GALNT17: variants seen among roughly 807,000 people sequenced by gnomAD.
GALNT17 encodes the protein UDP-GalNAc:polypeptide N-acetylgalactosaminyltransferase-like 3.
A neutral mutation model predicts 63.7 loss-of-function variants in GALNT17; 29 were observed. The ratio of observed to expected loss-of-function variants is 0.46; its 90% CI spans 0.34 to 0.62. GALNT17 has a LOEUF of 0.62. Among genes scored for constraint, GALNT17 ranks in the 20% least tolerant of loss-of-function variants. GALNT17 has a pLI of 0.01. For missense variants in GALNT17, 603 were observed against 799.6 expected (o/e 0.75, Z 2.97); for synonymous variants, 305 against 318.3 (o/e 0.96, Z 0.45).
chr7:71,660,360 A>G (rs1323603361), intron 6 of GALNT17, among the ~76,000 whole-genome samples: 2 of 151,842 alleles, frequency 1.3e-5, no homozygotes, highest in Non-Finnish European at 2.9e-5. Context: ...TCCTCCCTCC[A>G]CTGTGTGAGG....
intron 2 of GALNT17, among the ~76,000 whole-genome samples, chr7:71,382,055 G>A (rs1563051562): frequency 6.6e-6 from 1 of 152,116 alleles, no homozygotes; most frequent in Non-Finnish European, 1.5e-5. Context: ...GGACGAACTT[G>A]AAACCAGGGA....
chr7:71,670,717 A>C (rs1791055526), intron 8 of GALNT17, among the ~76,000 whole-genome samples: 1 of 152,204 alleles, frequency 6.6e-6, no homozygotes, highest in Non-Finnish European at 1.5e-5. Context: ...TCACCTTATG[A>C]GAGATTAGCG....
At chr7:71,241,688 A>C (rs1789999642) in intron 1 of GALNT17, among the ~76,000 whole-genome samples, 1 of 152,036 alleles carries the variant, frequency 6.6e-6, no homozygotes, top group Non-Finnish European at 1.5e-5. Context: ...AGGAGTTCCC[A>C]ACCAGCTTGG....
At chr7:71,595,660 GACACACAC>G (rs61389262) in intron 6 of GALNT17, among the ~76,000 whole-genome samples, 1,428 of 142,730 alleles carry the variant, frequency 0.01, 13 homozygotes, top group East Asian at 0.042. Context: ...GAGAGACTGA[GACACACAC>G]ACACACACAC....
chr7:71,473,033 G>T (rs1787661146), intron 5 of GALNT17, among the ~76,000 whole-genome samples: 1 of 152,214 alleles, frequency 6.6e-6, no homozygotes, highest in South Asian at 2.1e-4. Context: ...TACATGGAAA[G>T]TATACATTGG....
chr7:71,189,209 C>G (rs1390778925), intron 1 of GALNT17, among the ~76,000 whole-genome samples: 2 of 152,014 alleles, frequency 1.3e-5, no homozygotes, highest in African/African-American at 4.8e-5. Flanking sequence ...AAGGAGTTTC[C>G]TTTTTTCTTG....
At chr7:71,206,750 T>C (rs28633086) in intron 1 of GALNT17, among the ~76,000 whole-genome samples, 14,077 of 152,136 alleles carry the variant, frequency 0.093, 813 homozygotes, top group East Asian at 0.21. Context: ...GCAGACCATA[T>C]CTGGATTCTC....
At chr7:71,423,213 G>A (rs1786698792) in intron 5 of GALNT17, among the ~76,000 whole-genome samples, 1 of 152,222 alleles carries the variant, frequency 6.6e-6, no homozygotes, top group Non-Finnish European at 1.5e-5. Context: ...GTGGGCACAG[G>A]CCCGAGGGTG....
chr7:71,596,188 A>G lies in GALNT17; in HGVS notation c.1080+24786A>G, dbSNP rs558982836. Among the ~76,000 whole-genome samples, 36 of 151,988 alleles carry G rather than the reference A, an allele frequency of 2.4e-4. No individual in the cohort carries two copies. In the East Asian group the frequency reaches 3.7e-3, roughly 16 times the overall value. ...CAAGTAGCTGGGATTACAGGTGCCC[A>G]CCACCACTCCCAGCTAATTTTTTGC... On this transcript the variant is annotated intron_variant, in intron 6 of 10. Transcript: ENST00000333538.
intron 1 of GALNT17, among the ~76,000 whole-genome samples, chr7:71,149,458 G>C (rs1224531986): frequency 1.3e-5 from 2 of 152,024 alleles, no homozygotes; most frequent in African/African-American, 2.4e-5. Context: ...TGGTGGCTGG[G>C]TCCAGGACTG....
intron 1 of GALNT17, among the ~76,000 whole-genome samples, chr7:71,265,116 ATATTTTTTTTTT>A (rs869270578): frequency 0.021 from 1,248 of 59,004 alleles, 81 homozygotes; most frequent in East Asian, 0.11. Flanking sequence ...ATATATATAT[ATATTTTTTTTTT>A]TTTTTTTTTT....
chr7:71,700,564 C>T (rs978940702), intron 9 of GALNT17, among the ~76,000 whole-genome samples: 1 of 152,120 alleles, frequency 6.6e-6, no homozygotes, highest in African/African-American at 2.4e-5. Context: ...CCCAGCTCCC[C>T]CACCTCTATA....
intron 5 of GALNT17, among the ~76,000 whole-genome samples, chr7:71,557,139 A>G (rs1369002402): frequency 6.7e-6 from 1 of 148,610 alleles, no homozygotes; most frequent in East Asian, 2.0e-4. Context: ...CAGTCCTTCT[A>G]CCTCAGCCTC....
chr7:71,214,867 C>T (rs756887405), intron 1 of GALNT17, among the ~76,000 whole-genome samples: 6 of 152,134 alleles, frequency 3.9e-5, no homozygotes, highest in Non-Finnish European at 1.5e-5. Flanking sequence ...CGTGAGCCAC[C>T]GCACCTGGCC....
intron 1 of GALNT17, among the ~76,000 whole-genome samples, chr7:71,156,196 C>G: frequency 7.6e-6 from 1 of 132,266 alleles, no homozygotes; most frequent in South Asian, 2.5e-4. Flanking sequence ...AACTCCGTCT[C>G]AAAAAAAAAA....
At chr7:71,668,516 CAA>C (rs56329930) in intron 7 of GALNT17, among the ~76,000 whole-genome samples, 2 of 62,946 alleles carry the variant, frequency 3.2e-5, no homozygotes, top group African/African-American at 1.0e-4. Flanking sequence ...GACACCATCT[CAA>C]AAAAAAAAAA....
chr7:71,493,971 G>GT (rs145441332), intron 5 of GALNT17, among the ~76,000 whole-genome samples: 12 of 151,520 alleles, frequency 7.9e-5, no homozygotes, highest in African/African-American at 1.5e-4. Context: ...CTTTTATAAA[G>GT]TTTTTTTTTA....
At chr7:71,212,980 G>A (rs1420048869) in intron 1 of GALNT17, among the ~76,000 whole-genome samples, 1 of 152,154 alleles carries the variant, frequency 6.6e-6, no homozygotes, top group African/African-American at 2.4e-5. Flanking sequence ...AATGAATTAA[G>A]ACTTTGGGGG....
intron 1 of GALNT17, among the ~76,000 whole-genome samples, chr7:71,295,341 G>A (rs1791058212): frequency 6.6e-6 from 1 of 152,062 alleles, no homozygotes; most frequent in Admixed American, 6.6e-5. Context: ...CCACCTTGAG[G>A]ACCCTCAGCT....
Sources: gnomAD v4.1 joint callset for allele counts (sites outside exome capture counted in the v4.1 genomes callset) on GRCh38, gnomAD v4.1.1 for gene constraint, MANE v1.5 for transcripts, NCBI Gene and HGNC (gene_info 2026-07-23, HGNC 2026-07-21) for gene names.